DIS3L2: variants seen among roughly 807,000 people sequenced by gnomAD.
DIS3L2 encodes DIS3 like 3'-5' exoribonuclease 2, also known as DIS3-like exonuclease 2.
Under a neutral mutation model 97.5 loss-of-function variants are expected in DIS3L2, and 34 were observed. The observed-to-expected ratio is 0.35, with a 90% CI of 0.27 to 0.46. The LOEUF (loss-of-function observed/expected upper bound fraction) is 0.46. Among genes scored for constraint, DIS3L2 ranks in the 20% least tolerant of loss-of-function variants. DIS3L2 has a pLI of 1.00. For synonymous variants in DIS3L2, 435 were observed against 445.2 expected, an observed-to-expected ratio of 0.98 and a Z score of 0.29; for missense variants, 1,038 against 1,146.0, an observed-to-expected ratio of 0.91 and a Z score of 1.36.
intron 3 of DIS3L2, among the ~76,000 whole-genome samples, chr2:232,019,992 A>G (rs1183964528): frequency 6.6e-6 from 1 of 151,910 alleles, no homozygotes; most frequent in African/African-American, 2.4e-5. Context: ...GAATCAGCCA[A>G]TTGAAGAATT....
chr2:231,968,674 T>C (rs1454159743), intron 1 of DIS3L2, among the ~76,000 whole-genome samples: 1 of 152,276 alleles, frequency 6.6e-6, no homozygotes, highest in Non-Finnish European at 1.5e-5. Context: ...ATAAAAATTT[T>C]GTTTACAAGG....
intron 6 of DIS3L2, among the ~76,000 whole-genome samples, chr2:232,126,893 A>T (rs532278620): frequency 6.6e-5 from 10 of 152,272 alleles, no homozygotes; most frequent in African/African-American, 2.4e-4. Context: ...CCACTCACAG[A>T]TCTAGGTCTT....
At chr2:232,313,674 A>T (rs530224705) in intron 14 of DIS3L2, among the ~76,000 whole-genome samples, 2 of 152,316 alleles carry the variant, frequency 1.3e-5, no homozygotes, top group South Asian at 2.1e-4. Flanking sequence ...CCTACCCCAA[A>T]TCTCTTTATA....
At chr2:232,194,822 A>T (rs891592289) in intron 9 of DIS3L2, among the ~76,000 whole-genome samples, 4 of 152,078 alleles carry the variant, frequency 2.6e-5, no homozygotes, top group Admixed American at 1.3e-4. Context: ...GAAGCACAGG[A>T]GGAGGTGTAG....
At chr2:232,254,235 C>G (rs945910798) in intron 12 of DIS3L2, among the ~76,000 whole-genome samples, 2 of 151,606 alleles carry the variant, frequency 1.3e-5, no homozygotes, top group African/African-American at 2.4e-5. Context: ...TTTTATGGCT[C>G]TTAAATATCG....
In DIS3L2 at chr2:232,268,590, AG is replaced by A. The variant is rs998311703; in HGVS notation, c.1659+5151del. Among the ~76,000 whole-genome samples, 1 of 152,260 alleles carries A rather than the reference AG, an allele frequency of 6.6e-6. No homozygotes were observed. The highest frequency in any genetic ancestry group is 6.5e-5 in the Admixed American group (1 of 15,282). On this transcript the variant is annotated intron_variant, in intron 13 of 20. Transcript: ENST00000325385. The surrounding 1 kb of genome is among the most constrained non-coding windows in gnomAD (Gnocchi z 4.1). ...GTGGCTGTGTTTCAACAAAACTTTA[AG>A]AACACTGAGATTTGAATTTTATATA...
intron 14 of DIS3L2, among the ~76,000 whole-genome samples, chr2:232,310,811 C>T (rs1695106608): frequency 6.6e-6 from 1 of 152,250 alleles, no homozygotes; most frequent in African/African-American, 2.4e-5. Flanking sequence ...CCCATGGGTC[C>T]AGGAGCAGGG....
At chr2:232,122,542 C>A (rs916168195) in intron 6 of DIS3L2, among the ~76,000 whole-genome samples, 5 of 152,074 alleles carry the variant, frequency 3.3e-5, no homozygotes, top group Non-Finnish European at 1.5e-5. Context: ...CATGGTGAAA[C>A]CCTGTCTCTA....
chr2:232,248,726 C>T (rs1196656193), intron 11 of DIS3L2, among the ~76,000 whole-genome samples: 4 of 152,158 alleles, frequency 2.6e-5, no homozygotes, highest in Non-Finnish European at 4.4e-5. Flanking sequence ...TTTTATCACT[C>T]TAGTGATATT....
At chr2:231,994,805 C>T (rs1430212333) in intron 1 of DIS3L2, among the ~76,000 whole-genome samples, 11 of 147,924 alleles carry the variant, frequency 7.4e-5, no homozygotes, top group African/African-American at 2.5e-4. Context: ...TTTTTTCTTT[C>T]ATTCTTTTTC....
At chr2:232,119,772 G>A (rs1171441714) in intron 6 of DIS3L2, among the ~76,000 whole-genome samples, 1 of 152,196 alleles carries the variant, frequency 6.6e-6, no homozygotes, top group East Asian at 1.9e-4. Context: ...GAAAGCCACA[G>A]TATCCAAGGC....
chr2:232,139,240 C>T (rs1205569811), intron 8 of DIS3L2, among the ~76,000 whole-genome samples: 1 of 152,158 alleles, frequency 6.6e-6, no homozygotes, highest in East Asian at 1.9e-4. Context: ...TTCTCTTTCA[C>T]CCCTGTGACT....
intron 14 of DIS3L2, chr2:232,328,380 A>AT (rs1198134994): frequency 6.6e-6 from 1 of 152,222 alleles, no homozygotes; most frequent in Non-Finnish European, 1.5e-5. Context: ...CTTCCTCTGC[A>AT]TCTCAGGCTC....
At chr2:232,068,581 CA>C (rs949081114) in intron 5 of DIS3L2, among the ~76,000 whole-genome samples, 56 of 138,340 alleles carry the variant, frequency 4.0e-4, no homozygotes, top group Middle Eastern at 3.7e-3. Context: ...GACCCTGCCT[CA>C]AAAAAAAAAA....
intron 8 of DIS3L2, among the ~76,000 whole-genome samples, chr2:232,159,049 T>C (rs1217252627): frequency 1.3e-5 from 2 of 152,194 alleles, no homozygotes; most frequent in Non-Finnish European, 2.9e-5. Flanking sequence ...AATTTAGTCA[T>C]TTTGAAAATT....
intron 1 of DIS3L2, among the ~76,000 whole-genome samples, chr2:231,971,055 A>G (rs1458339866): frequency 6.6e-6 from 1 of 152,194 alleles, no homozygotes; most frequent in East Asian, 1.9e-4. Flanking sequence ...AAAAGTCTTC[A>G]GGGGCAGTAC....
chr2:231,974,963 C>G (rs1243478479), intron 1 of DIS3L2, among the ~76,000 whole-genome samples: 2 of 152,132 alleles, frequency 1.3e-5, no homozygotes, highest in Non-Finnish European at 2.9e-5. Flanking sequence ...AAAGGAAAGT[C>G]TTCAATACAA....
chr2:232,024,387 T>C, intron 4 of DIS3L2, 57 bp downstream of exon 4: 1 of 1,334,720 alleles, frequency 7.5e-7, no homozygotes, highest in Non-Finnish European at 1.1e-6. Flanking sequence ...TTAGATCTGC[T>C]CCGAAACTGA....
At chr2:232,251,500 G>A (rs185247438) in intron 12 of DIS3L2, among the ~76,000 whole-genome samples, 13 of 152,250 alleles carry the variant, frequency 8.5e-5, no homozygotes, top group South Asian at 2.1e-4. Flanking sequence ...TTCAATGACC[G>A]TTCCAGAAAT....
Sources: gnomAD v4.1 joint callset for allele counts (sites outside exome capture counted in the v4.1 genomes callset) on GRCh38, gnomAD v4.1.1 for gene constraint, Gnocchi (gnomAD v3.1) non-coding constraint, MANE v1.5 for transcripts, NCBI Gene and HGNC (gene_info 2026-07-23, HGNC 2026-07-21) for gene names.